Variants in PPP3R1 observed in about 807,000 individuals in gnomAD.
PPP3R1 encodes calcineurin subunit B type 1.
In PPP3R1, 5 loss-of-function variants were observed where a neutral mutation model predicts 22.6. That is an observed-to-expected ratio of 0.22 (90% CI 0.12 to 0.46). The LOEUF (loss-of-function observed/expected upper bound fraction) is 0.46. Ranked by LOEUF, PPP3R1 falls within the 20% of genes least tolerant of loss-of-function variation. PPP3R1 has a pLI of 0.99. For missense variants in PPP3R1, 61 were observed against 203.2 expected, an observed-to-expected ratio of 0.30 and a Z score of 4.25; for synonymous variants, 56 against 65.2, an observed-to-expected ratio of 0.86 and a Z score of 0.68.
chr2:68,232,378 T>C (rs530613294), intron 1 of PPP3R1, among the ~76,000 whole-genome samples: 19 of 144,938 alleles, frequency 1.3e-4, no homozygotes, highest in Admixed American at 9.6e-4. Flanking sequence ...GAGGTGGAGG[T>C]TGCAGTGAGC....
chr2:68,249,710 G>A (rs1355407664), intron 1 of PPP3R1, among the ~76,000 whole-genome samples: 7 of 149,298 alleles, frequency 4.7e-5, no homozygotes, highest in Non-Finnish European at 1.0e-4. Flanking sequence ...TGAAGGGAGG[G>A]AAAGACTTTA....
rs558352238 is a variant in PPP3R1 at position 68,238,530 on chromosome 2, C to T, written c.3+13595G>A. 4.6e-5 allele frequency among the ~76,000 whole-genome samples: 7 copies of T among 152,160 alleles called. No homozygotes were observed. The South Asian group carries it at 6.2e-4, about 14-fold the overall frequency. ...ATGGCTAGAAATAAGGGTCAGAGCC[C>T]GACTGTCATGCAAAACAGTTTAGAT... On this transcript the variant is annotated intron_variant, in intron 1 of 5. Transcript: ENST00000234310.
chr2:68,180,148 A>G lies in PPP3R1; in HGVS notation c.*815T>C, dbSNP rs930962748. ...CTAGCACTTAACGTTACTGAGGGACATTTAATAAATGCAATGGCTCCTAGT... is the reference window on the plus strand; with the variant it reads ...CTAGCACTTAACGTTACTGAGGGACGTTTAATAAATGCAATGGCTCCTAGT... On this transcript the variant is annotated 3_prime_UTR_variant, in exon 6 of 6. Coordinates refer to ENST00000234310, the MANE Select transcript of PPP3R1 (RefSeq NM_000945.4). 3.9e-5 allele frequency: 6 copies of G among 152,244 alleles called. No individual in the cohort carries two copies. Among genetic ancestry groups the G allele is most frequent in the African/African-American group, 1.2e-4 (5 of 41,454 alleles). 9.4% of individuals were successfully genotyped at this position (152,244 alleles called of 1,614,324 possible). A position where few individuals can be genotyped will look rare whatever the true frequency, so the allele number is the denominator to read the frequency against.
intron 2 of PPP3R1, among the ~76,000 whole-genome samples, chr2:68,190,819 G>A (rs916026285): frequency 6.6e-6 from 1 of 152,168 alleles, no homozygotes; most frequent in African/African-American, 2.4e-5. Context: ...CTGAATTTTA[G>A]AAAAGTAGTT....
chr2:68,192,987 T>G (rs1448115323), intron 2 of PPP3R1, among the ~76,000 whole-genome samples: 2 of 152,182 alleles, frequency 1.3e-5, no homozygotes, highest in African/African-American at 4.8e-5. Flanking sequence ...TTTTCTCTGA[T>G]AAAAGAAAGG....
At chr2:68,247,152 A>C (rs1347229792) in intron 1 of PPP3R1, among the ~76,000 whole-genome samples, 4 of 152,082 alleles carry the variant, frequency 2.6e-5, no homozygotes, top group Non-Finnish European at 5.9e-5. Context: ...ATGGGCTTTC[A>C]CCATGTTGCC....
intron 2 of PPP3R1, among the ~76,000 whole-genome samples, chr2:68,189,020 G>A (rs1236012186): frequency 6.6e-6 from 1 of 152,122 alleles, no homozygotes; most frequent in Non-Finnish European, 1.5e-5. Flanking sequence ...GGTCACAAAA[G>A]ATTATTTCAG....
intron 5 of PPP3R1, 122 bp downstream of exon 5, chr2:68,186,346 G>A: frequency 1.2e-6 from 1 of 860,492 alleles, no homozygotes; most frequent in South Asian, 1.9e-5. Flanking sequence ...AACAATACGG[G>A]CAATTAGGAA....
At chr2:68,200,350 A>C (rs1020751165) in intron 2 of PPP3R1, among the ~76,000 whole-genome samples, 12 of 152,220 alleles carry the variant, frequency 7.9e-5, no homozygotes, top group South Asian at 2.1e-4. Context: ...CTTATATAAA[A>C]AATGACTAAA....
At chr2:68,226,982 T>G (rs899965040) in intron 1 of PPP3R1, among the ~76,000 whole-genome samples, 1 of 152,090 alleles carries the variant, frequency 6.6e-6, no homozygotes, top group Non-Finnish European at 1.5e-5. Context: ...GTAATATTTA[T>G]AGTTCACAAA....
At chr2:68,236,607 G>A (rs1670024660) in intron 1 of PPP3R1, among the ~76,000 whole-genome samples, 1 of 152,158 alleles carries the variant, frequency 6.6e-6, no homozygotes, top group Admixed American at 6.5e-5. Flanking sequence ...GGTGAGGGAA[G>A]AGGTCAGTAT....
At chr2:68,229,495 C>T (rs377316722) in intron 1 of PPP3R1, among the ~76,000 whole-genome samples, 2 of 152,154 alleles carry the variant, frequency 1.3e-5, no homozygotes, top group Non-Finnish European at 1.5e-5. Flanking sequence ...TAGGTGTTGA[C>T]GTCTCCAATT....
At chr2:68,226,036 A>C (rs1234501716) in intron 1 of PPP3R1, among the ~76,000 whole-genome samples, 1 of 152,220 alleles carries the variant, frequency 6.6e-6, no homozygotes, top group Non-Finnish European at 1.5e-5. Flanking sequence ...CCAATAACAT[A>C]ATGAATCTCA....
intron 1 of PPP3R1, among the ~76,000 whole-genome samples, chr2:68,249,505 G>A (rs947402889): frequency 1.3e-5 from 2 of 151,994 alleles, no homozygotes; most frequent in Admixed American, 6.6e-5. Flanking sequence ...GAAACAAAAC[G>A]TAAAACAATT....
chr2:68,186,756 T>G, intron 4 of PPP3R1, 104 bp from the exon 5 acceptor site: 1 of 1,042,840 alleles, frequency 9.6e-7, no homozygotes, highest in Non-Finnish European at 1.4e-6. Context: ...AAATTATGAC[T>G]ATGAGGATGT....
At position 68,186,643 on chromosome 2, in the gene PPP3R1, C is replaced by T; in HGVS notation, c.290G>A (p.Arg97His). The T allele has an allele frequency of 1.2e-6, 2 of 1,602,144 alleles. No individual in the cohort carries two copies. Among genetic ancestry groups the T allele is most frequent in the Admixed American group, 1.8e-5 (1 of 57,024 alleles). Residue 97 changes from arginine to histidine, a missense_variant, in exon 5 of 6, where the codon CGT becomes CAT. Arg to His is a conservative substitution (Grantham distance 29). Transcript: ENST00000234310. ...DKEQKLRFAF[R>H]IYDMDKDGYI... is the part of the protein sequence containing the mutation. ...GCCATCTTTATCCATGTCATAGATA[C>T]GGAAAGCAACTAAAAAAAAGGAAGG...
At chr2:68,220,200 G>A (rs1018838600) in intron 1 of PPP3R1, among the ~76,000 whole-genome samples, 11 of 152,172 alleles carry the variant, frequency 7.2e-5, no homozygotes, top group African/African-American at 2.2e-4. Flanking sequence ...ACACAATCCC[G>A]AGACATCGCC....
At chr2:68,187,194 A>T in intron 4 of PPP3R1, 61 bp downstream of exon 4, 1 of 1,306,060 alleles carries the variant, frequency 7.7e-7, no homozygotes, top group African/African-American at 1.5e-5. Context: ...AAAGCATTCT[A>T]TAATACAGTA....
At chr2:68,230,901 G>A (rs1339917106) in intron 1 of PPP3R1, among the ~76,000 whole-genome samples, 1 of 152,106 alleles carries the variant, frequency 6.6e-6, no homozygotes, top group African/African-American at 2.4e-5. Flanking sequence ...AATTTCTCTC[G>A]TGCTGATTTC....
Sources: allele counts gnomAD v4.1 joint callset (sites outside exome capture counted in the v4.1 genomes callset), GRCh38; gene constraint gnomAD v4.1.1; transcripts MANE v1.5; gene names NCBI Gene and HGNC (gene_info 2026-07-23, HGNC 2026-07-21).